Variants in CLYBL observed in about 807,000 individuals in gnomAD.
CLYBL encodes citramalyl-CoA lyase, mitochondrial.
A neutral mutation model predicts 38.9 loss-of-function variants in CLYBL; 31 were observed. That is an observed-to-expected ratio of 0.80 (90% confidence interval 0.60 to 1.08). CLYBL has a LOEUF of 1.08. Ranked by LOEUF, CLYBL falls within the 50% of genes least tolerant of loss-of-function variation. The pLI is 0.00. For missense variants in CLYBL, 434 were observed against 411.6 expected (o/e 1.05, Z -0.47); for synonymous variants, 171 against 158.6 (o/e 1.08, Z -0.59).
At chr13:99,785,185 G>A (rs1594181268) in intron 2 of CLYBL, among the ~76,000 whole-genome samples, 2 of 105,220 alleles carry the variant, frequency 1.9e-5, no homozygotes, top group Admixed American at 1.2e-4. Flanking sequence ...GAGCCACCCC[G>A]CCTGGCTTTT....
At chr13:99,699,355 A>G (rs980504248) in intron 1 of CLYBL, among the ~76,000 whole-genome samples, 3 of 152,014 alleles carry the variant, frequency 2.0e-5, no homozygotes, top group African/African-American at 7.3e-5. Flanking sequence ...ATTGCACTCC[A>G]GCCTGGGCAA....
chr13:99,866,642 T>TA (rs1243001494), intron 6 of CLYBL, among the ~76,000 whole-genome samples: 1 of 151,594 alleles, frequency 6.6e-6, no homozygotes, highest in East Asian at 1.9e-4. Context: ...AGTTGCTTTT[T>TA]TTTTTTTCTC....
intron 1 of CLYBL, among the ~76,000 whole-genome samples, chr13:99,679,232 T>C (rs1173992740): frequency 6.8e-6 from 1 of 146,882 alleles, no homozygotes; most frequent in East Asian, 2.0e-4. Flanking sequence ...AGGTGGAGGT[T>C]GCAGTAAGCC....
chr13:99,862,684 A>G (rs966169228), intron 3 of CLYBL, among the ~76,000 whole-genome samples: 2 of 152,196 alleles, frequency 1.3e-5, no homozygotes, highest in African/African-American at 4.8e-5. Context: ...AAGAGGTCTT[A>G]AGTAAATGCG....
At chr13:99,899,129 T>G (rs1043307610), downstream of CLYBL, among the ~76,000 whole-genome samples, 2 of 152,068 alleles carry the variant, frequency 1.3e-5, no homozygotes, top group Non-Finnish European at 2.9e-5. Context: ...ACTCCAAGAG[T>G]TCCTATGAGG....
intron 1 of CLYBL, among the ~76,000 whole-genome samples, chr13:99,617,520 C>G (rs1594084949): frequency 1.3e-5 from 2 of 152,282 alleles, no homozygotes; most frequent in South Asian, 2.1e-4. Context: ...ATGAAAACAG[C>G]AAACAGAAAA....
chr13:99,641,156 A>G (rs925942299), intron 1 of CLYBL, among the ~76,000 whole-genome samples: 9 of 152,222 alleles, frequency 5.9e-5, no homozygotes, highest in Non-Finnish European at 8.8e-5. Flanking sequence ...GTGCAAGCCT[A>G]CAGTCATACA....
intron 1 of CLYBL, among the ~76,000 whole-genome samples, chr13:99,744,058 C>T (rs1361440877): frequency 6.7e-6 from 1 of 150,286 alleles, no homozygotes. Flanking sequence ...CTGCAAGCTC[C>T]GCCTCCCGGG....
chr13:99,763,789 A>G (rs560532722), intron 1 of CLYBL, among the ~76,000 whole-genome samples: 2 of 152,080 alleles, frequency 1.3e-5, no homozygotes, highest in Non-Finnish European at 2.9e-5. Context: ...TCCCGACCTC[A>G]TGATCTGCCC....
chr13:99,751,681 T>G (rs1371647681), intron 1 of CLYBL, among the ~76,000 whole-genome samples: 1 of 152,196 alleles, frequency 6.6e-6, no homozygotes, highest in Non-Finnish European at 1.5e-5. Flanking sequence ...GGGGAATTCA[T>G]GTGTAATGGG....
intron 1 of CLYBL, among the ~76,000 whole-genome samples, chr13:99,672,039 A>G (rs1249537781): frequency 6.6e-6 from 1 of 152,066 alleles, no homozygotes; most frequent in Non-Finnish European, 1.5e-5. Flanking sequence ...AGTGATGGGT[A>G]TGTCTCACAT....
downstream of CLYBL, chr13:99,894,920 G>C (rs1281516265): frequency 3.3e-5 from 5 of 152,156 alleles, no homozygotes; most frequent in African/African-American, 1.2e-4. Context: ...GAAGTTTCTC[G>C]GCATCCGGGA....
chr13:99,891,718 G>A lies in CLYBL; in HGVS notation c.*24+281G>A, dbSNP rs77135511. On this transcript the variant is annotated intron_variant, in intron 8 of 8. Coordinates refer to ENST00000339105, the MANE Select transcript of CLYBL (RefSeq NM_206808.5). ...AAGATGGGCTGTGAGGCGAAGGTAG[G>A]TCTTTAATGAAATGGATCTTTCCCA... 7.0e-3 allele frequency: 1,750 copies of A among 250,114 alleles called. 29 individuals are homozygous for A. The highest frequency in any genetic ancestry group is 0.037 in the African/African-American group (1,638 of 44,520). The allele number at this position is 250,114 out of a possible 1,614,324, so 15.5% of individuals were successfully genotyped here.
intron 1 of CLYBL, among the ~76,000 whole-genome samples, chr13:99,767,585 T>C (rs1408486512): frequency 6.6e-6 from 1 of 152,250 alleles, no homozygotes; most frequent in Admixed American, 6.5e-5. Flanking sequence ...CCACAGTGTG[T>C]GTGTGTGTCT....
intron 1 of CLYBL, among the ~76,000 whole-genome samples, chr13:99,667,633 G>A (rs1365889290): frequency 6.6e-6 from 1 of 152,026 alleles, no homozygotes; most frequent in Non-Finnish European, 1.5e-5. Context: ...GCAACTTGTG[G>A]TGCCTGCATT....
At chr13:99,729,635 T>C (rs1594144245) in intron 1 of CLYBL, among the ~76,000 whole-genome samples, 1 of 152,204 alleles carries the variant, frequency 6.6e-6, no homozygotes. Context: ...GCCATCGGCC[T>C]GTTGACAAGG....
chr13:99,782,805 A>G (rs1007803084), intron 2 of CLYBL, among the ~76,000 whole-genome samples: 1 of 152,016 alleles, frequency 6.6e-6, no homozygotes, highest in Non-Finnish European at 1.5e-5. Flanking sequence ...TCCATTAGCA[A>G]TTCACATATG....
chr13:99,888,434 A>G (rs1174054945), intron 7 of CLYBL, among the ~76,000 whole-genome samples: 3 of 152,184 alleles, frequency 2.0e-5, no homozygotes, highest in African/African-American at 7.2e-5. Context: ...TATTATTATT[A>G]CAGTAGCATG....
Position 99,710,465 on chromosome 13 carries a change from C to T in CLYBL, c.63-62359C>T, listed in dbSNP as rs527693233. Reference sequence around the variant, plus strand: ...TATTTATACTGCACAGCATTTTTTTCAGTGGTCCTTGTCATTGAGACTTAT... The same window carrying T: ...TATTTATACTGCACAGCATTTTTTTTAGTGGTCCTTGTCATTGAGACTTAT... On this transcript the variant is annotated intron_variant, in intron 1 of 8. Coordinates refer to ENST00000339105, the MANE Select transcript of CLYBL (RefSeq NM_206808.5). Among the ~76,000 whole-genome samples the T allele has an allele frequency of 3.3e-5, 5 of 152,130 alleles. No individual in the cohort carries two copies. The East Asian group carries it at 9.6e-4, about 29-fold the overall frequency.
Sources: gnomAD v4.1 joint callset for allele counts (sites outside exome capture counted in the v4.1 genomes callset) on GRCh38, gnomAD v4.1.1 for gene constraint, MANE v1.5 for transcripts, NCBI Gene and HGNC (gene_info 2026-07-23, HGNC 2026-07-21) for gene names.